The following EGFL6 variants were observed in gnomAD, a reference collection of about 807,000 sequenced individuals.
The protein encoded by EGFL6 is EGF like domain multiple 6.
A neutral mutation model predicts 43.1 loss-of-function variants in EGFL6; 42 were observed. That is an observed-to-expected ratio of 0.98 (90% confidence interval 0.76 to 1.26). The LOEUF (loss-of-function observed/expected upper bound fraction) is 1.26, where lower values mean the gene tolerates loss of function less well. EGFL6 is among the 50% of genes most tolerant of loss of function. The pLI, the probability that EGFL6 is intolerant of heterozygous loss-of-function variation, is 0.00. For missense variants in EGFL6, 429 were observed against 427.8 expected, an observed-to-expected ratio of 1.00 and a Z score of -0.02; for synonymous variants, 164 against 163.2, an observed-to-expected ratio of 1.01 and a Z score of -0.04.
chrX:13,584,885 C>T, intron 1 of EGFL6, among the ~76,000 whole-genome samples: 1 of 111,682 alleles, frequency 9.0e-6, no homozygotes, highest in African/African-American at 3.3e-5. Flanking sequence ...CACTTTGATG[C>T]CATTCATTTC....
At chrX:13,613,786 A>T (rs2045704948) in intron 7 of EGFL6, among the ~76,000 whole-genome samples, 1 of 112,090 alleles carries the variant, frequency 8.9e-6, no homozygotes, top group Non-Finnish European at 1.9e-5. Context: ...AAAATTCAAC[A>T]ATCATTTCTG....
intron 3 of EGFL6, among the ~76,000 whole-genome samples, chrX:13,597,949 A>G (rs1020483892): frequency 1.8e-5 from 2 of 112,376 alleles, no homozygotes; most frequent in African/African-American, 6.5e-5. Context: ...TTAAAGTCTC[A>G]GCAAAATATT....
chrX:13,612,820 C>T (rs1236964071), intron 7 of EGFL6, among the ~76,000 whole-genome samples: 1 of 112,542 alleles, frequency 8.9e-6, no homozygotes, highest in East Asian at 2.8e-4. Flanking sequence ...ATTACAAATA[C>T]ATTTGTATGC....
intron 11 of EGFL6, among the ~76,000 whole-genome samples, chrX:13,631,592 G>A (rs1244316076): frequency 9.0e-6 from 1 of 110,538 alleles, no homozygotes; most frequent in Non-Finnish European, 1.9e-5. Flanking sequence ...GACTAGCTTG[G>A]CCAACATGGT....
intron 3 of EGFL6, among the ~76,000 whole-genome samples, chrX:13,598,956 A>AT (rs1258989480): frequency 2.9e-5 from 3 of 103,662 alleles, no homozygotes; most frequent in Admixed American, 1.1e-4. Flanking sequence ...ATATATATAT[A>AT]TATTTTTTTA....
intron 1 of EGFL6, among the ~76,000 whole-genome samples, chrX:13,582,863 C>G (rs1409960251): frequency 9.0e-6 from 1 of 111,698 alleles, no homozygotes; most frequent in African/African-American, 3.3e-5. Context: ...GTACCAAGGA[C>G]TCGTGGCTGG....
chrX:13,626,746 C>T (rs1291346983), intron 10 of EGFL6, among the ~76,000 whole-genome samples: 1 of 112,033 alleles, frequency 8.9e-6, no homozygotes, highest in Non-Finnish European at 1.9e-5. Flanking sequence ...AGATTCTTAC[C>T]CCATATCTTT....
intron 10 of EGFL6, among the ~76,000 whole-genome samples, chrX:13,625,898 A>AAG (rs1343780742): frequency 6.9e-3 from 273 of 39,639 alleles, no homozygotes; most frequent in African/African-American, 0.019. Context: ...AAAAAAAAAA[A>AAG]AAAAAGAAAA....
intron 9 of EGFL6, among the ~76,000 whole-genome samples, chrX:13,621,498 C>T (rs940002499): frequency 1.8e-5 from 2 of 112,171 alleles, no homozygotes; most frequent in East Asian, 2.8e-4. Flanking sequence ...CTTGGACCCT[C>T]GACAAGACAG....
At chrX:13,588,016 C>T (rs1463854576) in intron 1 of EGFL6, among the ~76,000 whole-genome samples, 1 of 112,180 alleles carries the variant, frequency 8.9e-6, no homozygotes, top group African/African-American at 3.2e-5. Flanking sequence ...AAATATCCTA[C>T]AATGCACAGG....
At chrX:13,581,336 T>C (rs187184288) in intron 1 of EGFL6, among the ~76,000 whole-genome samples, 21 of 111,785 alleles carry the variant, frequency 1.9e-4, no homozygotes, top group African/African-American at 5.8e-4. Context: ...GGGGTATCCC[T>C]GGACCCGCTG....
At chrX:13,599,725 A>T (rs1163030914) in intron 3 of EGFL6, among the ~76,000 whole-genome samples, 2 of 109,831 alleles carry the variant, frequency 1.8e-5, no homozygotes, top group Admixed American at 2.0e-4. Flanking sequence ...GCTCTAGTAG[A>T]TTCTGCCAAG....
At chrX:13,613,285 T>C (rs2146701853) in intron 7 of EGFL6, among the ~76,000 whole-genome samples, 1 of 109,026 alleles carries the variant, frequency 9.2e-6, no homozygotes, top group East Asian at 2.8e-4. Flanking sequence ...TCCTAACCCA[T>C]TCTCTGTACC....
intron 1 of EGFL6, among the ~76,000 whole-genome samples, chrX:13,573,217 G>A (rs903542647): frequency 8.1e-5 from 9 of 111,707 alleles, no homozygotes; most frequent in South Asian, 3.8e-4. Flanking sequence ...ATACCTCTGC[G>A]GGGTGGGGGC....
chrX:13,600,280 C>CTTCTTTTTTTTTTTTTTT (rs1326551826), intron 4 of EGFL6, among the ~76,000 whole-genome samples, 186 bp downstream of exon 4: 16 of 44,286 alleles, frequency 3.6e-4, no homozygotes, highest in African/African-American at 4.8e-4. Context: ...TTTCTTTCTT[C>CTTCTTTTTTTTTTTTTTT]TTTTTTTTTT....
At chrX:13,590,937 G>A (rs1277791752) in intron 2 of EGFL6, among the ~76,000 whole-genome samples, 1 of 111,836 alleles carries the variant, frequency 8.9e-6, no homozygotes, top group African/African-American at 3.3e-5. Flanking sequence ...TTGAGAACCA[G>A]ACTGACGTGG....
At chrX:13,614,882 G>A (rs765457117) in intron 7 of EGFL6, among the ~76,000 whole-genome samples, 18 of 110,418 alleles carry the variant, frequency 1.6e-4, no homozygotes, top group Non-Finnish European at 3.2e-4. Flanking sequence ...TGAGTAGCTG[G>A]GATTACAGGC....
chrX:13,619,335 C>T, intron 9 of EGFL6, 92 bp downstream of exon 9: 1 of 792,219 alleles, frequency 1.3e-6, no homozygotes. Context: ...TTATGAATCC[C>T]TGCTTCATTC....
intron 2 of EGFL6, chrX:13,590,254 T>C (rs2045556265): frequency 8.9e-6 from 1 of 112,788 alleles, no homozygotes; most frequent in South Asian, 3.6e-4. Context: ...TCTCAGACTA[T>C]GTGTTAGGAA....
Sources: allele counts gnomAD v4.1 joint callset (sites outside exome capture counted in the v4.1 genomes callset), GRCh38; gene constraint gnomAD v4.1.1; transcripts MANE v1.5; gene names NCBI Gene and HGNC (gene_info 2026-07-23, HGNC 2026-07-21).